The following LHFPL3 variants were observed in gnomAD, a reference collection of about 807,000 sequenced individuals.
LHFPL3 encodes LHFPL tetraspan subfamily member 3.
Under a neutral mutation model 19.3 loss-of-function variants are expected in LHFPL3, and 5 were observed. The observed-to-expected ratio is 0.26, with a 90% CI of 0.14 to 0.54. The LOEUF (loss-of-function observed/expected upper bound fraction) is 0.54. Ranked by LOEUF, LHFPL3 falls within the 20% of genes least tolerant of loss-of-function variation. LHFPL3 has a pLI of 0.94. For missense variants in LHFPL3, 249 were observed against 307.4 expected (o/e 0.81, Z 1.42); for synonymous variants, 133 against 126.2 (o/e 1.05, Z -0.36).
At chr7:104,666,349 T>C (rs1792339082) in intron 1 of LHFPL3, among the ~76,000 whole-genome samples, 1 of 151,758 alleles carries the variant, frequency 6.6e-6, no homozygotes, top group Non-Finnish European at 1.5e-5. Context: ...TTTCCCAGCC[T>C]CTGGTGACTA....
chr7:104,766,141 G>A (rs1017967458), intron 2 of LHFPL3, among the ~76,000 whole-genome samples: 1 of 152,238 alleles, frequency 6.6e-6, no homozygotes, highest in Admixed American at 6.5e-5. Context: ...AGTAGTTTCT[G>A]TGGATGGTAA....
chr7:104,731,017 T>G (rs890336809), intron 1 of LHFPL3, among the ~76,000 whole-genome samples: 2 of 152,180 alleles, frequency 1.3e-5, no homozygotes, highest in African/African-American at 2.4e-5. Flanking sequence ...TTTCCCCATT[T>G]CTTGTTTTTG....
Position 104,467,846 on chromosome 7 carries a change from C to T in LHFPL3, c.445+138622C>T, listed in dbSNP as rs137933233. Among the ~76,000 whole-genome samples the T allele has an allele frequency of 3.7e-3, 565 of 152,318 alleles. 5 individuals carry two copies. Among genetic ancestry groups the T allele is most frequent in the African/African-American group, 0.013 (558 of 41,564 alleles). On this transcript the variant is annotated intron_variant, in intron 1 of 2. Transcript: ENST00000424859. The stretch of plus-strand genomic sequence containing the variant: ...TCTCCTCTCCTTCATCCTGCTCCTC[C>T]TTCTCTTCCTTCTCTTTCTCTTCTA...
intron 2 of LHFPL3, among the ~76,000 whole-genome samples, chr7:104,879,908 A>C (rs1792015169): frequency 6.6e-6 from 1 of 152,188 alleles, no homozygotes; most frequent in Non-Finnish European, 1.5e-5. Context: ...TTGAAGCTTC[A>C]AAGAGCCAGG....
At chr7:104,661,728 G>C (rs1002143876) in intron 1 of LHFPL3, among the ~76,000 whole-genome samples, 1 of 152,096 alleles carries the variant, frequency 6.6e-6, no homozygotes, top group South Asian at 2.1e-4. Flanking sequence ...TTCCTTCTTC[G>C]CAATTTCATG....
intron 1 of LHFPL3, among the ~76,000 whole-genome samples, chr7:104,462,394 A>G (rs1184573514): frequency 6.6e-6 from 1 of 152,152 alleles, no homozygotes; most frequent in Non-Finnish European, 1.5e-5. Context: ...ATTTTGAGGT[A>G]TGTTCCTTCA....
intron 1 of LHFPL3, among the ~76,000 whole-genome samples, chr7:104,632,391 G>A (rs1011033849): frequency 1.3e-5 from 2 of 152,114 alleles, no homozygotes; most frequent in East Asian, 1.9e-4. Context: ...TTAATAAAAG[G>A]AAAGAATTTG....
chr7:104,391,877 A>G (rs1163997063), intron 1 of LHFPL3, among the ~76,000 whole-genome samples: 1 of 151,992 alleles, frequency 6.6e-6, no homozygotes. Context: ...ATGGTTTGTA[A>G]TTCTCCTTGA....
chr7:104,451,268 A>G (rs1792431486), intron 1 of LHFPL3, among the ~76,000 whole-genome samples: 1 of 152,248 alleles, frequency 6.6e-6, no homozygotes. Flanking sequence ...TTTTTAAAAT[A>G]TCTTCACGGT....
intron 1 of LHFPL3, among the ~76,000 whole-genome samples, chr7:104,351,039 A>G (rs1001605960): frequency 3.4e-5 from 2 of 59,596 alleles, no homozygotes; most frequent in Non-Finnish European, 6.8e-5. Flanking sequence ...GACTCCCTCT[A>G]AAAAAAAAAA....
chr7:104,546,280 T>C (rs1794577161), intron 1 of LHFPL3, among the ~76,000 whole-genome samples: 1 of 152,222 alleles, frequency 6.6e-6, no homozygotes. Flanking sequence ...AGTTTGTATT[T>C]AATTGTAAAT....
chr7:104,609,242 G>A lies in LHFPL3; in HGVS notation c.446-127433G>A, dbSNP rs377346086. On this transcript the variant is annotated intron_variant, in intron 1 of 2. Transcript: ENST00000424859. ...ACCGTGCCACTACACTCCAGCCCAG[G>A]TGACAGAGCAAGATGCTGTCAAAAA... Among the ~76,000 whole-genome samples, 55 of 151,702 alleles carry A rather than the reference G, an allele frequency of 3.6e-4. 2 individuals carry two copies. The South Asian group carries it at 0.012, about 32-fold the overall frequency.
intron 1 of LHFPL3, among the ~76,000 whole-genome samples, chr7:104,706,769 T>A (rs2116196779): frequency 6.6e-6 from 1 of 152,342 alleles, no homozygotes; most frequent in South Asian, 2.1e-4. Context: ...AAAGGTTTTC[T>A]TTGGTCAATT....
intron 1 of LHFPL3, among the ~76,000 whole-genome samples, chr7:104,629,604 C>T (rs555069452): frequency 4.6e-5 from 7 of 152,224 alleles, no homozygotes; most frequent in Non-Finnish European, 1.0e-4. Flanking sequence ...GCTAATGCTA[C>T]ACCAAGCCTG....
chr7:104,896,776 G>A (rs1792368409), intron 2 of LHFPL3, among the ~76,000 whole-genome samples: 1 of 152,068 alleles, frequency 6.6e-6, no homozygotes, highest in Admixed American at 6.5e-5. Flanking sequence ...TTCAGTAGAA[G>A]GTATCACTGC....
intron 1 of LHFPL3, among the ~76,000 whole-genome samples, chr7:104,459,385 C>T (rs972312945): frequency 2.6e-5 from 4 of 152,098 alleles, no homozygotes; most frequent in African/African-American, 9.7e-5. Context: ...AAATTGTAAC[C>T]TTGGGCATTG....
intron 2 of LHFPL3, among the ~76,000 whole-genome samples, chr7:104,841,105 G>A (rs1354511507): frequency 6.6e-6 from 1 of 152,120 alleles, no homozygotes; most frequent in Non-Finnish European, 1.5e-5. Flanking sequence ...ACACATGCAT[G>A]GTGCCAGCAA....
At chr7:104,510,113 A>G (rs1434035165) in intron 1 of LHFPL3, among the ~76,000 whole-genome samples, 3 of 148,772 alleles carry the variant, frequency 2.0e-5, no homozygotes, top group African/African-American at 7.4e-5. Flanking sequence ...GAGACATACC[A>G]TCTTCATGGG....
At chr7:104,848,451 CGA>C (rs992255237) in intron 2 of LHFPL3, among the ~76,000 whole-genome samples, 27 of 152,158 alleles carry the variant, frequency 1.8e-4, no homozygotes, top group African/African-American at 6.5e-4. Flanking sequence ...GCAAGAGTCA[CGA>C]GCTCTTTGCC....
Sources: gnomAD v4.1 joint callset for allele counts (sites outside exome capture counted in the v4.1 genomes callset) on GRCh38, gnomAD v4.1.1 for gene constraint, MANE v1.5 for transcripts, NCBI Gene and HGNC (gene_info 2026-07-23, HGNC 2026-07-21) for gene names.